Variants in MAST4 observed in about 807,000 individuals in gnomAD.
MAST4 encodes microtubule associated serine/threonine kinase family member 4, also known as microtubule-associated serine/threonine-protein kinase 4.
Under a neutral mutation model 162.7 loss-of-function variants are expected in MAST4, and 89 were observed. The observed-to-expected ratio is 0.55, with a 90% CI of 0.46 to 0.65. The LOEUF (loss-of-function observed/expected upper bound fraction) is 0.65, where lower values mean the gene tolerates loss of function less well. MAST4 is among the 30% of genes least tolerant of loss of function. MAST4 has a pLI of 0.00. For synonymous variants in MAST4, 1,479 were observed against 1,361.1 expected, an observed-to-expected ratio of 1.09 and a Z score of -1.91; for missense variants, 3,153 against 3,374.0, an observed-to-expected ratio of 0.93 and a Z score of 1.62.
chr5:66,854,553 C>T (rs1759536620), intron 3 of MAST4, among the ~76,000 whole-genome samples: 2 of 152,096 alleles, frequency 1.3e-5, no homozygotes, highest in South Asian at 4.1e-4. Context: ...TCATGTTCTT[C>T]TGCTCATAGG....
At chr5:67,097,187 T>A (rs576736894) in intron 7 of MAST4, among the ~76,000 whole-genome samples, 6 of 152,290 alleles carry the variant, frequency 3.9e-5, no homozygotes, top group East Asian at 1.9e-4. Flanking sequence ...TCATCATTTT[T>A]AAAAGTGAAT....
intron 4 of MAST4, among the ~76,000 whole-genome samples, chr5:66,934,110 G>A (rs1034211536): frequency 4.6e-5 from 7 of 152,146 alleles, no homozygotes; most frequent in African/African-American, 1.7e-4. Context: ...AGCATGTAAA[G>A]TAACAATATG....
At chr5:66,892,845 C>A (rs1762445803) in intron 3 of MAST4, among the ~76,000 whole-genome samples, 1 of 152,174 alleles carries the variant, frequency 6.6e-6, no homozygotes, top group East Asian at 1.9e-4. Context: ...TTGCTGATCT[C>A]CTCTGGGCTT....
chr5:66,785,588 G>T (rs1755076220), intron 2 of MAST4, among the ~76,000 whole-genome samples: 1 of 151,936 alleles, frequency 6.6e-6, no homozygotes. Flanking sequence ...TGCAGTACCT[G>T]GTATATAATA....
chr5:66,907,582 T>G (rs1763455109), intron 4 of MAST4, among the ~76,000 whole-genome samples: 1 of 131,432 alleles, frequency 7.6e-6, no homozygotes, highest in Non-Finnish European at 1.6e-5. Context: ...GGGCATAGGT[T>G]GATGCGTGTG....
At chr5:67,055,999 G>GATATAT (rs59787536) in intron 5 of MAST4, among the ~76,000 whole-genome samples, 2,098 of 145,486 alleles carry the variant, frequency 0.014, 18 homozygotes, top group Non-Finnish European at 0.02. Context: ...TTTGTTTAGG[G>GATATAT]ATATATATAT....
At chr5:67,023,980 GT>G (rs1397752252) in intron 4 of MAST4, among the ~76,000 whole-genome samples, 1 of 151,778 alleles carries the variant, frequency 6.6e-6, no homozygotes, top group Non-Finnish European at 1.5e-5. Context: ...GTAGTGTTAA[GT>G]ACATTTACAG....
At chr5:66,868,975 A>G (rs902509481) in intron 3 of MAST4, among the ~76,000 whole-genome samples, 5 of 152,220 alleles carry the variant, frequency 3.3e-5, no homozygotes, top group African/African-American at 9.6e-5. Context: ...AGTCAGAAGA[A>G]GAGCAATAAA....
At position 66,860,376 on chromosome 5, in the gene MAST4, T is replaced by A. The variant is rs569291119; in HGVS notation, c.643-39575T>A. Among the ~76,000 whole-genome samples, 4 of 152,304 alleles carry A rather than the reference T, an allele frequency of 2.6e-5. No homozygotes were observed. The South Asian group carries it at 6.2e-4, about 24-fold the overall frequency. ...AGAGCAAATTATTGCCTTGCAATTT[T>A]ATTGAGGCAATAAAAAATGCTATCC... On this transcript the variant is annotated intron_variant, in intron 3 of 28. Coordinates refer to ENST00000403625, the MANE Select transcript of MAST4 (RefSeq NM_001164664.2).
chr5:67,027,105 T>G (rs1156514338), intron 4 of MAST4, among the ~76,000 whole-genome samples: 1 of 152,178 alleles, frequency 6.6e-6, no homozygotes, highest in Non-Finnish European at 1.5e-5. Context: ...ACAAAATATG[T>G]AAGGATATTT....
At chr5:66,940,102 T>G (rs948451155) in intron 4 of MAST4, among the ~76,000 whole-genome samples, 6 of 152,158 alleles carry the variant, frequency 3.9e-5, no homozygotes, top group Non-Finnish European at 8.8e-5. Context: ...TATGTATATA[T>G]GTATATGTAT....
At chr5:66,682,013 G>A (rs965053878) in intron 1 of MAST4, among the ~76,000 whole-genome samples, 5 of 152,108 alleles carry the variant, frequency 3.3e-5, no homozygotes, top group African/African-American at 1.2e-4. Flanking sequence ...ACAGTCTATC[G>A]TGTGTGTGTG....
At chr5:66,640,153 T>C (rs1745393368) in intron 1 of MAST4, among the ~76,000 whole-genome samples, 1 of 152,192 alleles carries the variant, frequency 6.6e-6, no homozygotes, top group African/African-American at 2.4e-5. Flanking sequence ...ATTCCACATA[T>C]GAGATAATGC....
chr5:67,006,152 C>T (rs1752006263), intron 4 of MAST4, among the ~76,000 whole-genome samples: 1 of 152,208 alleles, frequency 6.6e-6, no homozygotes, highest in Admixed American at 6.5e-5. Context: ...TACTCACATA[C>T]ACTGTTTATA....
At chr5:66,672,998 A>C (rs1747704648) in intron 1 of MAST4, among the ~76,000 whole-genome samples, 2 of 152,116 alleles carry the variant, frequency 1.3e-5, no homozygotes, top group Admixed American at 1.3e-4. Context: ...ATTGGTATAG[A>C]GTAGTAACTT....
chr5:67,133,780 A>G, intron 17 of MAST4, 134 bp downstream of exon 17: 4 of 984,282 alleles, frequency 4.1e-6, no homozygotes, highest in Non-Finnish European at 5.9e-6. Context: ...CTTACATTTA[A>G]TAAAGTGCAA....
chr5:67,019,346 G>T (rs777443411), intron 4 of MAST4, among the ~76,000 whole-genome samples: 5 of 152,132 alleles, frequency 3.3e-5, no homozygotes, highest in Admixed American at 6.5e-5. Flanking sequence ...CACATTTCAG[G>T]TCCTGTTTTT....
chr5:66,674,194 G>A (rs1747806823), intron 1 of MAST4, among the ~76,000 whole-genome samples: 1 of 152,132 alleles, frequency 6.6e-6, no homozygotes, highest in Admixed American at 6.5e-5. Flanking sequence ...AGGATGACTT[G>A]GTAATTAAAT....
chr5:66,725,145 A>G (rs988254747), intron 1 of MAST4, among the ~76,000 whole-genome samples: 1 of 151,990 alleles, frequency 6.6e-6, no homozygotes, highest in African/African-American at 2.4e-5. Context: ...TATCTTAAGG[A>G]CAAAGTGATA....
Sources: allele counts gnomAD v4.1 joint callset (sites outside exome capture counted in the v4.1 genomes callset), GRCh38; gene constraint gnomAD v4.1.1; transcripts MANE v1.5; gene names NCBI Gene and HGNC (gene_info 2026-07-23, HGNC 2026-07-21).